RIN1: variants seen among roughly 807,000 people sequenced by gnomAD.
RIN1 encodes the protein ras inhibitor 1.
RIN1 carries 52 observed loss-of-function variants against 64.9 expected under a neutral mutation model. The observed-to-expected ratio is 0.80, with a 90% confidence interval of 0.64 to 1.01. The LOEUF is 1.01. RIN1 is among the 50% of genes least tolerant of loss of function. The pLI is 0.00. For missense variants in RIN1, 1,040 were observed against 1,064.5 expected, an observed-to-expected ratio of 0.98 and a Z score of 0.32; for synonymous variants, 486 against 483.6, an observed-to-expected ratio of 1.00 and a Z score of -0.06.
chr11:66,336,463 C>T, upstream of RIN1: 1 of 1,433,760 alleles, frequency 7.0e-7, no homozygotes, highest in Non-Finnish European at 9.6e-7. Context: ...ACGCACATCC[C>T]CAGTGAGTAA....
chr11:66,336,198 C>T, intron 1 of RIN1, 40 bp from the exon 2 acceptor site: 1 of 1,483,714 alleles, frequency 6.7e-7, no homozygotes, highest in Non-Finnish European at 9.0e-7. Flanking sequence ...GAGCCAGGGG[C>T]TGGGACCCTT....
intron 9 of RIN1, 121 bp downstream of exon 9, chr11:66,333,137 G>A (rs1404461124): frequency 5.6e-6 from 7 of 1,254,532 alleles, no homozygotes; most frequent in Non-Finnish European, 7.9e-6. Context: ...CCACAACCCA[G>A]TGGCAGAGCC....
chr11:66,336,513 A>C (rs1854910530), upstream of RIN1: 10 of 908,118 alleles, frequency 1.1e-5, no homozygotes, highest in South Asian at 1.6e-4. Flanking sequence ...CCCGCCAGTT[A>C]ACTCTTGTGT....
rs1251501348 is a variant in RIN1, at chr11:66,334,058, C to T, written c.1452G>A (p.Leu484=). The change falls in exon 7 of 10, where the codon CTG becomes CTA. Residue 484 remains leucine (L), a synonymous_variant. Coordinates refer to ENST00000311320, the MANE Select transcript of RIN1 (RefSeq NM_004292.3). ...CCAACTCTACTGGGGAGGGCAGGCTCAGGTGGGACCCGAAGGCTCCGGGGC... is the reference window on the plus strand; with the variant it reads ...CCAACTCTACTGGGGAGGGCAGGCTTAGGTGGGACCCGAAGGCTCCGGGGC... The part of the protein sequence containing the change: ...AQGPGAFGSH[L]SLPSPVELEQ... The T allele has an allele frequency of 8.9e-6, 14 of 1,573,390 alleles. No homozygotes were observed. In the Admixed American group the frequency reaches 2.3e-4, roughly 26 times the overall value.
intron 5 of RIN1, 78 bp from the exon 6 acceptor site, chr11:66,335,329 G>C (rs912804060): frequency 6.4e-7 from 1 of 1,556,824 alleles, no homozygotes; most frequent in African/African-American, 1.4e-5. Context: ...CAGGGGCTTC[G>C]GGCGGTGTGC....
Position 66,332,137 on chromosome 11 carries a change from A to G in RIN1, c.*139T>C, listed in dbSNP as rs201512218. The G allele has an allele frequency of 1.2e-6, 1 of 854,132 alleles. No homozygotes were observed. Among genetic ancestry groups the G allele is most frequent in the South Asian group, 1.6e-5 (1 of 63,436 alleles). 52.9% of individuals were successfully genotyped at this position (854,132 alleles called of 1,614,324 possible). On this transcript the variant is annotated 3_prime_UTR_variant, in exon 10 of 10. Coordinates refer to ENST00000311320, the MANE Select transcript of RIN1 (RefSeq NM_004292.3). ...GTTCCTCAGATGTGGCAGTTCCCCC[A>G]GCTTCCCTGGAAACAAGTATCAGAC...
chr11:66,336,141 A>G lies in RIN1; in HGVS notation c.104T>C (p.Leu35Pro). 6.9e-7 allele frequency: 1 copy of G among 1,445,414 alleles called. No homozygotes were observed. The highest frequency in any genetic ancestry group is 9.1e-7 in the Non-Finnish European group (1 of 1,100,836). 89.5% of individuals were successfully genotyped at this position (1,445,414 alleles called of 1,614,324 possible). A position where few individuals can be genotyped will look rare whatever the true frequency, so the allele number is the denominator to read the frequency against. ...GCCGCTGGCATTGGGCACGTCATACAGTGGGTCCTGGGCTGGCCTGGGGGC... is the reference window on the plus strand; with the variant it reads ...GCCGCTGGCATTGGGCACGTCATACGGTGGGTCCTGGGCTGGCCTGGGGGC... ...LAREKPAQDPLYDVPNASGGQ... is the reference protein window; with the variant it reads ...LAREKPAQDPPYDVPNASGGQ... Residue 35 changes from leucine to proline, a missense_variant, in exon 2 of 10, where the codon CTG (leucine) becomes CCG (proline). Physicochemically the swap from Leu to Pro is moderately conservative, Grantham distance 98. Coordinates refer to ENST00000311320, the MANE Select transcript of RIN1 (RefSeq NM_004292.3).
chr11:66,335,846 GGC>G lies in RIN1; in HGVS notation c.296_297del (p.Arg99ProfsTer11). The G allele has an allele frequency of 1.3e-6, 2 of 1,589,758 alleles. No homozygotes were observed. The highest frequency in any genetic ancestry group is 4.5e-5 in the East Asian group (2 of 44,584). On this transcript the variant is annotated frameshift_variant, in exon 3 of 10. Transcript: ENST00000311320. LOFTEE classifies it high-confidence loss of function. The part of the protein sequence containing the change: ...GTFLVRKSNT[R>X]QCQALCMRLP... ...AACCGCATGCACAGGGCCTGGCACT[GGC>G]GGGTGTTAGATTTCCGCACGAGGAA...
chr11:66,331,191 C>T lies in RIN1; in HGVS notation c.*1085G>A, dbSNP rs960573909. The T allele has an allele frequency of 3.9e-5, 6 of 152,596 alleles. No individual in the cohort carries two copies. The highest frequency in any genetic ancestry group is 7.3e-5 in the Non-Finnish European group (5 of 68,250). The allele number at this position is 152,596 out of a possible 1,614,324, so 9.5% of individuals were successfully genotyped here. A position where few individuals can be genotyped will look rare whatever the true frequency, so the allele number is the denominator to read the frequency against. ...GGATTTGCTGCCTGCTCTGGGCTTC[C>T]TTGGGGGCTGCCCCGGCCTTTGTGG... On this transcript the variant is annotated 3_prime_UTR_variant, in exon 10 of 10. Transcript: ENST00000311320.
Position 66,332,251 on chromosome 11 carries a change from G to A in RIN1, c.*25C>T, listed in dbSNP as rs1265738292. ...CAGCAGGCTCAGGGTCTCCCGCCCC[G>A]AATGACCCTTCTGGCCACTTCAAGC... On this transcript the variant is annotated 3_prime_UTR_variant, in exon 10 of 10. Coordinates refer to ENST00000311320, the MANE Select transcript of RIN1 (RefSeq NM_004292.3). The A allele has an allele frequency of 6.2e-6, 10 of 1,607,022 alleles. No individual in the cohort carries two copies. The East Asian group carries it at 6.7e-5, about 11-fold the overall frequency.
chr11:66,335,323 G>A, intron 5 of RIN1, 72 bp from the exon 6 acceptor site: 2 of 1,555,080 alleles, frequency 1.3e-6, no homozygotes, highest in Non-Finnish European at 1.7e-6. Flanking sequence ...GCAAGGCAGG[G>A]GCTTCGGGCG....
At chr11:66,333,860 G>A in intron 7 of RIN1, 59 bp downstream of exon 7, 1 of 1,457,300 alleles carries the variant, frequency 6.9e-7, no homozygotes, top group Non-Finnish European at 9.1e-7. Context: ...ACCTGCCGCT[G>A]GGGGGCCCGC....
At position 66,336,033 on chromosome 11, in the gene RIN1, T is replaced by C; in HGVS notation, c.212A>G (p.Gln71Arg). Reference protein sequence around the residue: ...RLLLTRPVWLQLQANAAAALH... With the variant: ...RLLLTRPVWLRLQANAAAALH... ...TGCGGCCGCTGCGTTGGCTTGCAGCTGCAGCCACACGGGCCGGGTGAGCAG... is the reference window on the plus strand; with the variant it reads ...TGCGGCCGCTGCGTTGGCTTGCAGCCGCAGCCACACGGGCCGGGTGAGCAG... Residue 71 changes from glutamine (Q) to arginine (R), a missense_variant, in exon 2 of 10, where the codon CAG (glutamine) becomes CGG (arginine). Gln to Arg is a conservative substitution (Grantham distance 43, BLOSUM62 1). Transcript: ENST00000311320. 2 of 1,468,776 alleles carry C rather than the reference T, an allele frequency of 1.4e-6. No individual in the cohort carries two copies. The highest frequency in any genetic ancestry group is 9.0e-7 in the Non-Finnish European group (1 of 1,108,948). The allele number at this position is 1,468,776 out of a possible 1,614,324, so 91.0% of individuals were successfully genotyped here.
In RIN1 at chr11:66,335,763, G is replaced by A. The variant is rs778388014; in HGVS notation, c.381C>T (p.Gly127=). The A allele has an allele frequency of 3.7e-5, 59 of 1,612,530 alleles. No homozygotes were observed. The highest frequency in any genetic ancestry group is 6.6e-5 in the South Asian group (6 of 90,744). ...CTTCCCGCCAGGCCAGCCCCTCACC[G>A]CCAGGGCTCTCCAGGATGTAGTGGC... is the stretch of plus-strand genomic sequence containing the variant. ...VSSHYILESP[G]GVSLEGSELM... The change falls in exon 3 of 10, where the codon GGC becomes GGT. Residue 127 remains glycine, a splice_region_variant and synonymous_variant. Coordinates refer to ENST00000311320, the MANE Select transcript of RIN1 (RefSeq NM_004292.3).
At position 66,335,506 on chromosome 11, in the gene RIN1, C is replaced by CA. The variant is rs1195678497; in HGVS notation, c.456-9dup. On this transcript the variant is annotated splice_polypyrimidine_tract_variant and intron_variant, in intron 4 of 9. Transcript: ENST00000311320. ...GGGAGGAGAAGGATGTCCCTGAGGC[C>CA]AGAGAGGGGAGCAGAAGGGAGTGAG... The CA allele has an allele frequency of 6.8e-6, 11 of 1,613,392 alleles. No individual in the cohort carries two copies. The highest frequency in any genetic ancestry group is 6.7e-5 in the African/African-American group (5 of 74,854).
Position 66,334,651 on chromosome 11 carries a change from A to G in RIN1, c.1148T>C (p.Val383Ala), listed in dbSNP as rs371908867. 22 of 1,568,512 alleles carry G rather than the reference A, an allele frequency of 1.4e-5. No individual in the cohort carries two copies. In the African/African-American group the frequency reaches 2.7e-4, roughly 19 times the overall value. Reference sequence around the variant, plus strand: ...CCGCACCTGGGTCAGTAGGTCCTGCACCAGCTGGCCCGCGGCTGTGTGTCG... The same window carrying G: ...CCGCACCTGGGTCAGTAGGTCCTGCGCCAGCTGGCCCGCGGCTGTGTGTCG... ...QDRHTAAGQL[V>A]QDLLTQVRAG... The change falls in exon 6 of 10, where the codon GTG becomes GCG. Residue 383 changes from valine (V) to alanine (A), a missense_variant. Val to Ala is a moderately conservative substitution (Grantham distance 64). Transcript: ENST00000311320.
At chr11:66,333,171 T>C in intron 9 of RIN1, 87 bp downstream of exon 9, 2 of 1,503,470 alleles carry the variant, frequency 1.3e-6, no homozygotes, top group Non-Finnish European at 1.8e-6. Flanking sequence ...AGGATCTGTC[T>C]ACAGAGTCTG....
upstream of RIN1, chr11:66,336,449 A>G: frequency 6.5e-7 from 1 of 1,527,308 alleles, no homozygotes; most frequent in East Asian, 2.3e-5. Flanking sequence ...TCCCAAGGCA[A>G]GGCACGCACA....
intron 9 of RIN1, chr11:66,332,990 G>A (rs1854774903): frequency 8.3e-6 from 5 of 604,792 alleles, no homozygotes; most frequent in South Asian, 4.0e-5. Context: ...ATTTGATAGT[G>A]AGTAATTTGT....
Sources: gnomAD v4.1 joint callset for allele counts on GRCh38, gnomAD v4.1.1 for gene constraint, MANE v1.5 for transcripts, NCBI Gene and HGNC (gene_info 2026-07-23, HGNC 2026-07-21) for gene names.